RABL2B: variants seen among roughly 807,000 people sequenced by gnomAD.
RABL2B encodes the protein RAB, member of RAS oncogene family like 2B.
In RABL2B, 17 loss-of-function variants were observed where a neutral mutation model predicts 26.7. The ratio of observed to expected loss-of-function variants is 0.64; its 90% confidence interval spans 0.44 to 0.95. The LOEUF (loss-of-function observed/expected upper bound fraction) is 0.95. Ranked by LOEUF, RABL2B falls within the 40% of genes least tolerant of loss-of-function variation. The pLI is 0.00. For synonymous variants in RABL2B, 70 were observed against 103.9 expected, an observed-to-expected ratio of 0.67 and a Z score of 1.99; for missense variants, 170 against 277.2, an observed-to-expected ratio of 0.61 and a Z score of 2.75.
rs545257994 is a variant in RABL2B at position 50,783,617 on chromosome 22, C to G, written c.-170G>C. On this transcript the variant is annotated 5_prime_UTR_variant, in exon 1 of 9. Transcript: ENST00000691320. ...ACCACGCCCGCCGGCCCAGCTCGCG[C>G]CGCAGCGCACTCCACTTCCGGCTCG... 1 of 153,142 alleles carries G rather than the reference C, an allele frequency of 6.5e-6. No individual in the cohort carries two copies. The highest frequency in any genetic ancestry group is 1.9e-4 in the East Asian group (1 of 5,234). 9.5% of individuals were successfully genotyped at this position (153,142 alleles called of 1,614,324 possible). A position where few individuals can be genotyped will look rare whatever the true frequency, so the allele number is the denominator to read the frequency against.
intron 5 of RABL2B, among the ~76,000 whole-genome samples, chr22:50,774,841 G>A (rs1555922113): frequency 1.3e-5 from 2 of 150,658 alleles, no homozygotes; most frequent in Admixed American, 1.3e-4. Context: ...GCAATGGTGT[G>A]ATCTCGGCTC....
intron 7 of RABL2B, 109 bp downstream of exon 7, chr22:50,769,346 G>A: frequency 1.2e-6 from 2 of 1,611,052 alleles, no homozygotes; most frequent in Non-Finnish European, 1.7e-6. Context: ...CCATGCCCAT[G>A]CACTGTCCCG....
chr22:50,772,365 G>A, intron 5 of RABL2B: 3 of 985,508 alleles, frequency 3.0e-6, no homozygotes, highest in Non-Finnish European at 3.6e-6. Context: ...CAAGAAGGAT[G>A]AGCACTGCAA....
intron 1 of RABL2B, 99 bp downstream of exon 1, chr22:50,783,402 T>G (rs1338562557): frequency 6.6e-6 from 1 of 152,274 alleles, no homozygotes; most frequent in African/African-American, 2.4e-5. Flanking sequence ...TTTCCGTGCT[T>G]CCCCCGACCC....
At chr22:50,769,621 A>C in intron 6 of RABL2B, 69 bp from the exon 7 acceptor site, 2 of 1,605,962 alleles carry the variant, frequency 1.2e-6, no homozygotes, top group Non-Finnish European at 1.7e-6. Flanking sequence ...GGGGGGGGCC[A>C]CTGGAGGCCT....
chr22:50,769,479 A>G lies in RABL2B; in HGVS notation c.483T>C (p.Ala161=). 6.2e-7 allele frequency: 1 copy of G among 1,612,122 alleles called. No homozygotes were observed. The highest frequency in any genetic ancestry group is 8.5e-7 in the Non-Finnish European group (1 of 1,179,190). Reference sequence around the variant, plus strand: ...CCTTCACAACATTGGTACCATCAGCAGCCGAGACGAAATACAGGGGCAGGG... The same window carrying G: ...CCTTCACAACATTGGTACCATCAGCGGCCGAGACGAAATACAGGGGCAGGG... ...KFSLPLYFVS[A]ADGTNVVKLF... is the part of the protein sequence containing the mutation. The change falls in exon 7 of 9, where the codon GCT becomes GCC. Residue 161 remains alanine, a synonymous_variant. Coordinates refer to ENST00000691320, the MANE Select transcript of RABL2B (RefSeq NM_001130919.3).
chr22:50,774,743 A>G (rs2084709987), intron 5 of RABL2B, among the ~76,000 whole-genome samples: 2 of 151,524 alleles, frequency 1.3e-5, no homozygotes, highest in South Asian at 2.1e-4. Flanking sequence ...AGACTAGTCT[A>G]TTACTTTCTG....
At chr22:50,774,336 A>G (rs1358006484) in intron 5 of RABL2B, among the ~76,000 whole-genome samples, 7 of 151,698 alleles carry the variant, frequency 4.6e-5, no homozygotes, top group African/African-American at 1.7e-4. Flanking sequence ...GAGATGCCAC[A>G]TATTCCAGGG....
chr22:50,781,709 C>T (rs1420658686), intron 2 of RABL2B, among the ~76,000 whole-genome samples: 1 of 152,080 alleles, frequency 6.6e-6, no homozygotes, highest in Admixed American at 6.6e-5. Context: ...TTCACCTCTC[C>T]GGGTGGCACG....
Position 50,775,965 on chromosome 22 carries a change from C to T in RABL2B, c.218-114G>A, listed in dbSNP as rs576732211. 1.9e-4 allele frequency: 192 copies of T among 1,007,772 alleles called. 1 individual carries two copies. The highest frequency in any genetic ancestry group is 2.9e-4 in the Non-Finnish European group (188 of 643,486). 62.4% of individuals were successfully genotyped at this position (1,007,772 alleles called of 1,614,324 possible). A position where few individuals can be genotyped will look rare whatever the true frequency, so the allele number is the denominator to read the frequency against. Reference sequence around the variant, plus strand: ...CACATGTGTGAGTGTACATGGGGAGCACAGGGAGAAACAGAGACTATACAG... The same window carrying T: ...CACATGTGTGAGTGTACATGGGGAGTACAGGGAGAAACAGAGACTATACAG... On this transcript the variant is annotated intron_variant, in intron 4 of 8. Transcript: ENST00000691320.
At chr22:50,779,949 G>C (rs2519461) in intron 2 of RABL2B, among the ~76,000 whole-genome samples, 14,401 of 152,088 alleles carry the variant, frequency 0.095, 806 homozygotes, top group African/African-American at 0.16. Context: ...CCACTGTACT[G>C]CAGCCTGGGT....
intron 2 of RABL2B, among the ~76,000 whole-genome samples, 174 bp downstream of exon 2, chr22:50,782,014 G>A (rs2085964236): frequency 6.6e-6 from 1 of 151,586 alleles, no homozygotes; most frequent in African/African-American, 2.4e-5. Flanking sequence ...CCCTCCACCT[G>A]ACACACACAA....
intron 2 of RABL2B, among the ~76,000 whole-genome samples, chr22:50,778,520 G>C (rs551675183): frequency 4.1e-4 from 63 of 152,224 alleles, no homozygotes; most frequent in African/African-American, 1.5e-3. Flanking sequence ...TGGTTATTGA[G>C]AGGACCATCT....
chr22:50,778,156 C>G (rs1225817052), intron 2 of RABL2B, among the ~76,000 whole-genome samples, 175 bp from the exon 3 acceptor site: 1 of 151,924 alleles, frequency 6.6e-6, no homozygotes, highest in Non-Finnish European at 1.5e-5. Flanking sequence ...GCATTACCAA[C>G]CCGTCATAAC....
At chr22:50,775,382 T>C (rs2147163594) in intron 5 of RABL2B, among the ~76,000 whole-genome samples, 1 of 152,128 alleles carries the variant, frequency 6.6e-6, no homozygotes, top group South Asian at 2.1e-4. Flanking sequence ...ACCCGCAGCA[T>C]CTACTCAGTC....
Position 50,768,767 on chromosome 22 carries a change from C to A in RABL2B, c.*9G>T. ...TAAAAGGGCTCCACCCACCCCTAGC[C>A]CCAGCCCCTCAGCTGTGGGGAGAGG... On this transcript the variant is annotated 3_prime_UTR_variant, in exon 9 of 9. Coordinates refer to ENST00000691320, the MANE Select transcript of RABL2B (RefSeq NM_001130919.3). 1 of 1,613,764 alleles carries A rather than the reference C, an allele frequency of 6.2e-7. No homozygotes were observed. The highest frequency in any genetic ancestry group is 8.5e-7 in the Non-Finnish European group (1 of 1,179,840).
intron 2 of RABL2B, among the ~76,000 whole-genome samples, chr22:50,778,224 G>A (rs544236854): frequency 6.6e-6 from 1 of 150,518 alleles, no homozygotes; most frequent in East Asian, 1.9e-4. Flanking sequence ...TCTCAAATCT[G>A]TTATTTCCAC....
rs144633973 is a variant in RABL2B at position 50,780,662 on chromosome 22, C to G, written c.107+1526G>C. ...CCATGGTCTTTGTATCTGGGACAAC[C>G]TTTTGCCTGAGATACTGCTAGTGGA... On this transcript the variant is annotated intron_variant, in intron 2 of 8. Transcript: ENST00000691320. 516 of 470,690 alleles carry G rather than the reference C, an allele frequency of 1.1e-3. 3 individuals carry two copies. The highest frequency in any genetic ancestry group is 8.0e-3 in the African/African-American group (401 of 50,148). The allele number at this position is 470,690 out of a possible 1,614,324, so 29.2% of individuals were successfully genotyped here.
At position 50,776,757 on chromosome 22, in the gene RABL2B, C is replaced by T. The variant is rs185382477; in HGVS notation, c.138-8G>A. 2.7e-3 allele frequency: 4,393 copies of T among 1,603,214 alleles called. 12 individuals are homozygous for T. The highest frequency in any genetic ancestry group is 3.0e-3 in the Non-Finnish European group (3,532 of 1,174,700). ...GACAGCTGCTGTGGCTGACTGCACT[C>T]AGGTTAAGGAGCAAAATCAATAAAA... On this transcript the variant is annotated splice_polypyrimidine_tract_variant and splice_region_variant and intron_variant, in intron 3 of 8. Coordinates refer to ENST00000691320, the MANE Select transcript of RABL2B (RefSeq NM_001130919.3).
Sources: gnomAD v4.1 joint callset for allele counts (sites outside exome capture counted in the v4.1 genomes callset) on GRCh38, gnomAD v4.1.1 for gene constraint, MANE v1.5 for transcripts, NCBI Gene and HGNC (gene_info 2026-07-23, HGNC 2026-07-21) for gene names.